DNAH11: variants seen among roughly 807,000 people sequenced by gnomAD.
DNAH11 encodes axonemal beta dynein heavy chain 11.
DNAH11 carries 442 observed loss-of-function variants against 526.0 expected under a neutral mutation model. The ratio of observed to expected loss-of-function variants is 0.84; its 90% confidence interval spans 0.78 to 0.91. DNAH11 has a LOEUF of 0.91. Ranked by LOEUF, DNAH11 falls within the 40% of genes least tolerant of loss-of-function variation. The probability of loss-of-function intolerance (pLI) is 0.00; values close to 1 mark genes in which losing one functional copy is unlikely to be tolerated. For missense variants in DNAH11, 6,989 were observed against 5,448.7 expected, an observed-to-expected ratio of 1.28 and a Z score of -8.90; for synonymous variants, 2,461 against 1,935.9, an observed-to-expected ratio of 1.27 and a Z score of -7.12.
intron 34 of DNAH11, among the ~76,000 whole-genome samples, chr7:21,688,480 G>C (rs1426463432): frequency 6.6e-6 from 1 of 152,058 alleles, no homozygotes; most frequent in East Asian, 1.9e-4. Context: ...ATTTCAACTA[G>C]TCCCAGGGCT....
intron 65 of DNAH11, among the ~76,000 whole-genome samples, chr7:21,836,404 A>G (rs1781999291): frequency 1.3e-5 from 2 of 152,172 alleles, no homozygotes; most frequent in Admixed American, 6.5e-5. Flanking sequence ...AAACAAACAC[A>G]TAGACAGATG....
intron 66 of DNAH11, among the ~76,000 whole-genome samples, chr7:21,850,126 G>A (rs1333591272): frequency 2.6e-5 from 4 of 151,844 alleles, no homozygotes; most frequent in Admixed American, 6.5e-5. Context: ...GGAGGCCAAG[G>A]CAGGCGGATC....
At chr7:21,773,715 T>C (rs1300873310) in intron 55 of DNAH11, 51 bp from the exon 56 acceptor site, 2 of 1,235,630 alleles carry the variant, frequency 1.6e-6, no homozygotes, top group Admixed American at 3.3e-5. Context: ...TTTTAAGTTG[T>C]ATTTTTAATT....
chr7:21,708,572 C>G (rs1163230531), intron 40 of DNAH11, among the ~76,000 whole-genome samples: 1 of 152,178 alleles, frequency 6.6e-6, no homozygotes, highest in East Asian at 1.9e-4. Context: ...TTCCAATCAC[C>G]TTTATAATCC....
At chr7:21,835,240 AAC>A (rs201341081) in intron 65 of DNAH11, among the ~76,000 whole-genome samples, 9,781 of 148,312 alleles carry the variant, frequency 0.066, 1,044 homozygotes, top group African/African-American at 0.22. Context: ...AAAAAAAAAA[AAC>A]AGAGGGAGTT....
chr7:21,804,990 G>C lies in DNAH11; in HGVS notation c.10166-2893G>C, dbSNP rs572775818. Among the ~76,000 whole-genome samples the C allele has an allele frequency of 3.5e-4, 54 of 152,210 alleles. No individual in the cohort carries two copies. The South Asian group carries it at 0.011, about 30-fold the overall frequency. On this transcript the variant is annotated intron_variant, in intron 62 of 81. Coordinates refer to ENST00000409508, the MANE Select transcript of DNAH11 (RefSeq NM_001277115.2). ...CTTGCCCCATCTTCACTGGCCTTCT[G>C]TCTCTCCCTCATACTTCCAGGCACG...
At chr7:21,737,916 C>T (rs1040948663) in intron 46 of DNAH11, among the ~76,000 whole-genome samples, 1 of 152,082 alleles carries the variant, frequency 6.6e-6, no homozygotes, top group Non-Finnish European at 1.5e-5. Context: ...GGGTCTGCTT[C>T]TTGGAAAAGG....
At chr7:21,884,154 A>T (rs888226728) in intron 75 of DNAH11, 137 bp from the exon 76 acceptor site, 1 of 655,358 alleles carries the variant, frequency 1.5e-6, no homozygotes, top group African/African-American at 1.8e-5. Flanking sequence ...AACTTAGACA[A>T]TTTCTGAAGC....
At chr7:21,628,559 T>A (rs917877442) in intron 25 of DNAH11, among the ~76,000 whole-genome samples, 2 of 152,184 alleles carry the variant, frequency 1.3e-5, no homozygotes, top group Non-Finnish European at 2.9e-5. Context: ...ATATGGTTTT[T>A]CTTCTTGGTT....
At chr7:21,789,410 C>T in intron 61 of DNAH11, 68 bp downstream of exon 61, 2 of 1,009,596 alleles carry the variant, frequency 2.0e-6, no homozygotes, top group Non-Finnish European at 2.9e-6. Context: ...TAGGATTCCA[C>T]CCTCAGACAG....
chr7:21,685,289 GAGA>G (rs1246615569), intron 32 of DNAH11, among the ~76,000 whole-genome samples: 2 of 152,176 alleles, frequency 1.3e-5, no homozygotes, highest in Non-Finnish European at 2.9e-5. Flanking sequence ...ATTGTCAATA[GAGA>G]AGGAGGAAAG....
intron 65 of DNAH11, among the ~76,000 whole-genome samples, chr7:21,827,465 G>C (rs988747754): frequency 2.0e-5 from 3 of 151,270 alleles, no homozygotes; most frequent in Non-Finnish European, 1.5e-5. Context: ...TTGAAAGACT[G>C]GAGTAACTTT....
Position 21,559,669 on chromosome 7 carries a change from A to G in DNAH11, c.759A>G (p.Gln253=). ...IESVVIEWSH[Q]IQEIIERDSV... is the part of the protein sequence containing the mutation. ...CTGTGGTTATTGAATGGTCACATCA[A>G]ATCCAAGAAATTATAGAAAGAGATT... Residue 253 remains glutamine, a synonymous_variant, in exon 4 of 82, where the codon CAA becomes CAG. Transcript: ENST00000409508. The G allele has an allele frequency of 6.2e-7, 1 of 1,612,208 alleles. No individual in the cohort carries two copies. Among genetic ancestry groups the G allele is most frequent in the Non-Finnish European group, 8.5e-7 (1 of 1,179,174 alleles).
At chr7:21,807,753 C>A (rs568083486) in intron 62 of DNAH11, 130 bp from the exon 63 acceptor site, 2 of 745,564 alleles carry the variant, frequency 2.7e-6, no homozygotes, top group Non-Finnish European at 4.0e-6. Flanking sequence ...CACACCAACC[C>A]GTTACACTCT....
intron 49 of DNAH11, among the ~76,000 whole-genome samples, chr7:21,742,521 T>C (rs1189874104): frequency 6.6e-6 from 1 of 152,144 alleles, no homozygotes; most frequent in East Asian, 1.9e-4. Context: ...ACGGAGGGGA[T>C]GGTGCTAACC....
chr7:21,645,752 C>G (rs1452402289), intron 28 of DNAH11, among the ~76,000 whole-genome samples: 1 of 151,954 alleles, frequency 6.6e-6, no homozygotes, highest in Non-Finnish European at 1.5e-5. Flanking sequence ...AATCAGATAT[C>G]TAAATCAGAT....
chr7:21,835,296 C>G (rs1442769639), intron 65 of DNAH11, among the ~76,000 whole-genome samples: 2 of 149,008 alleles, frequency 1.3e-5, no homozygotes. Flanking sequence ...GATACTAAAA[C>G]CAGATAAGGA....
chr7:21,589,494 G>T, intron 12 of DNAH11, 91 bp downstream of exon 12: 1 of 1,138,806 alleles, frequency 8.8e-7, no homozygotes, highest in Non-Finnish European at 1.2e-6. Flanking sequence ...ATTTACATTT[G>T]GGAAAATGTC....
At chr7:21,692,481 A>G (rs1172782950) in intron 35 of DNAH11, among the ~76,000 whole-genome samples, 1 of 152,156 alleles carries the variant, frequency 6.6e-6, no homozygotes, top group African/African-American at 2.4e-5. Flanking sequence ...GATTTATCCA[A>G]GTTGTTGAGC....
Sources: allele counts gnomAD v4.1 joint callset (sites outside exome capture counted in the v4.1 genomes callset), GRCh38; gene constraint gnomAD v4.1.1; transcripts MANE v1.5; gene names NCBI Gene and HGNC (gene_info 2026-07-23, HGNC 2026-07-21).